Variants in LYRM4 observed in about 807,000 individuals in gnomAD.
LYRM4 encodes LYR motif containing 4.
In LYRM4, 9 loss-of-function variants were observed where a neutral mutation model predicts 11.7. The ratio of observed to expected loss-of-function variants is 0.77; its 90% CI spans 0.46 to 1.34. The LOEUF is 1.34. Among genes scored for constraint, LYRM4 ranks in the 40% most tolerant of loss-of-function variants. LYRM4 has a pLI of 0.00. For synonymous variants in LYRM4, 42 were observed against 40.4 expected, an observed-to-expected ratio of 1.04 and a Z score of -0.15; for missense variants, 133 against 112.5, an observed-to-expected ratio of 1.18 and a Z score of -0.82.
At chr6:5,067,119 T>C in the LYRM4 span, 1 of 249,828 alleles carries the variant, frequency 4.0e-6, no homozygotes, top group Non-Finnish European at 7.6e-6. Flanking sequence ...CAGACAAAAG[T>C]ATTAATTTCT....
the LYRM4 span, among the ~76,000 whole-genome samples, chr6:5,093,403 G>A: frequency 2.0e-5 from 3 of 152,266 alleles, no homozygotes; most frequent in Non-Finnish European, 2.9e-5. Context: ...TGGAACGCCT[G>A]CCTTGGGGCT....
chr6:5,186,969 G>A, intron 2 of LYRM4: 1 of 669,924 alleles, frequency 1.5e-6, no homozygotes, highest in South Asian at 6.8e-5. Flanking sequence ...GGGCGACAGA[G>A]TGAGAGTCCA....
chr6:5,159,933 C>A lies in LYRM4; in HGVS notation c.208-50442G>T, dbSNP rs1758651294. Among the ~76,000 whole-genome samples, 3 of 152,190 alleles carry A rather than the reference C, an allele frequency of 2.0e-5. No homozygotes were observed. In the South Asian group the frequency reaches 6.2e-4, roughly 32 times the overall value. ...CTATGCCTTTCTCATTTGAAGCCAT[C>A]ACTTTTTCCTGGGATGTTTTTCTTC... On this transcript the variant is annotated intron_variant, in intron 2 of 2. Transcript: ENST00000330636.
At chr6:5,155,625 G>A (rs989548937) in intron 2 of LYRM4, among the ~76,000 whole-genome samples, 4 of 152,138 alleles carry the variant, frequency 2.6e-5, no homozygotes, top group African/African-American at 9.7e-5. Flanking sequence ...CAGGATGTCA[G>A]GGAACCAGCC....
intron 2 of LYRM4, among the ~76,000 whole-genome samples, chr6:5,212,470 CA>C (rs2127718888): frequency 6.6e-6 from 1 of 152,284 alleles, no homozygotes; most frequent in East Asian, 1.9e-4. Context: ...CCCAAGCCTA[CA>C]AACCACCCAG....
intron 1 of LYRM4, among the ~76,000 whole-genome samples, chr6:5,255,101 G>C (rs1017948789): frequency 2.0e-5 from 3 of 152,042 alleles, no homozygotes; most frequent in African/African-American, 7.2e-5. Flanking sequence ...CCAAACATAT[G>C]ACTATCTTGA....
intron 2 of LYRM4, among the ~76,000 whole-genome samples, chr6:5,116,796 C>T (rs1046713244): frequency 1.3e-5 from 2 of 152,208 alleles, no homozygotes; most frequent in Non-Finnish European, 2.9e-5. Flanking sequence ...CCCAGAAACA[C>T]TTAAGAGCTC....
Position 5,216,613 on chromosome 6 carries a change from C to T in LYRM4, c.207+5G>A, listed in dbSNP as rs781117556. On this transcript the variant is annotated splice_donor_5th_base_variant and intron_variant, in intron 2 of 2. Coordinates refer to ENST00000330636, the MANE Select transcript of LYRM4 (RefSeq NM_020408.6). ...GAAAAACAGTACATCATTGAACCAT[C>T]TTACCTGTCGACGAATTACTCCAAG... 2.5e-6 allele frequency: 4 copies of T among 1,613,854 alleles called. No individual in the cohort carries two copies. The African/African-American group carries it at 4.0e-5, about 16-fold the overall frequency.
the LYRM4 span, chr6:5,086,101 C>T: frequency 6.8e-7 from 1 of 1,465,386 alleles, no homozygotes; most frequent in Non-Finnish European, 8.9e-7. Context: ...GCTCCCGGGG[C>T]CGAGCGCCGC....
intron 2 of LYRM4, among the ~76,000 whole-genome samples, chr6:5,130,626 G>C (rs1291325583): frequency 6.6e-6 from 1 of 152,168 alleles, no homozygotes; most frequent in East Asian, 1.9e-4. Flanking sequence ...AAACTGCTGA[G>C]GAGAGGAAGA....
intron 2 of LYRM4, among the ~76,000 whole-genome samples, chr6:5,151,083 AATTTTTTTTT>A (rs1262751097): frequency 1.0e-5 from 1 of 99,684 alleles, no homozygotes; most frequent in African/African-American, 3.8e-5. Flanking sequence ...GTTTGTTTTG[AATTTTTTTTT>A]TTTTTTTTTG....
chr6:5,086,585 G>A, the LYRM4 span: 5 of 1,466,520 alleles, frequency 3.4e-6, no homozygotes, highest in Non-Finnish European at 3.6e-6. Context: ...TCGAAGAGCC[G>A]TGGGGCGGGG....
At chr6:5,208,083 A>T (rs1761798156) in intron 2 of LYRM4, among the ~76,000 whole-genome samples, 1 of 152,220 alleles carries the variant, frequency 6.6e-6, no homozygotes, top group Admixed American at 6.5e-5. Flanking sequence ...ACCTAAAAAA[A>T]TGAGGATAAG....
intron 1 of LYRM4, among the ~76,000 whole-genome samples, chr6:5,245,121 T>A (rs1345989363): frequency 0.031 from 718 of 23,256 alleles, 14 homozygotes; most frequent in South Asian, 0.041. Context: ...AAAATATATA[T>A]ATATATATAT....
At chr6:5,045,317 A>G in the LYRM4 span, among the ~76,000 whole-genome samples, 1 of 152,240 alleles carries the variant, frequency 6.6e-6, no homozygotes, top group Non-Finnish European at 1.5e-5. Flanking sequence ...GTGCTACAAC[A>G]TGGATGGACC....
chr6:5,082,184 T>G, the LYRM4 span, among the ~76,000 whole-genome samples: 1 of 152,176 alleles, frequency 6.6e-6, no homozygotes. Flanking sequence ...GCAGGCAGCC[T>G]GGGCACCCCG....
chr6:5,149,641 A>G (rs1364528424), intron 2 of LYRM4, among the ~76,000 whole-genome samples: 1 of 152,112 alleles, frequency 6.6e-6, no homozygotes, highest in Non-Finnish European at 1.5e-5. Context: ...AGGAACCCTG[A>G]AGTCCCTGAC....
chr6:5,209,592 TG>T (rs1761885550), intron 2 of LYRM4, among the ~76,000 whole-genome samples: 3 of 152,066 alleles, frequency 2.0e-5, no homozygotes, highest in Non-Finnish European at 1.5e-5. Flanking sequence ...GTGGGAAGAG[TG>T]CTAGGTCCCT....
At chr6:5,180,567 C>T (rs922159557) in intron 2 of LYRM4, among the ~76,000 whole-genome samples, 1 of 152,188 alleles carries the variant, frequency 6.6e-6, no homozygotes, top group Non-Finnish European at 1.5e-5. Context: ...ACTCAGTTTC[C>T]TGTCTTCCCA....
Sources: gnomAD v4.1 joint callset for allele counts (sites outside exome capture counted in the v4.1 genomes callset) on GRCh38, gnomAD v4.1.1 for gene constraint, MANE v1.5 for transcripts, NCBI Gene and HGNC (gene_info 2026-07-23, HGNC 2026-07-21) for gene names.